Variants in CTTNBP2 observed in about 807,000 individuals in gnomAD.
CTTNBP2 encodes cortactin-binding protein 2.
In CTTNBP2, 108 loss-of-function variants were observed where a neutral mutation model predicts 156.9. The ratio of observed to expected loss-of-function variants is 0.69; its 90% CI spans 0.59 to 0.81. The LOEUF is 0.81. Ranked by LOEUF, CTTNBP2 falls within the 30% of genes least tolerant of loss-of-function variation. The pLI, the probability that CTTNBP2 is intolerant of heterozygous loss-of-function variation, is 0.00. For missense variants in CTTNBP2, 1,924 were observed against 2,035.4 expected, an observed-to-expected ratio of 0.95 and a Z score of 1.05; for synonymous variants, 767 against 751.8, an observed-to-expected ratio of 1.02 and a Z score of -0.33.
intron 2 of CTTNBP2, among the ~76,000 whole-genome samples, chr7:117,814,131 A>G (rs1436462683): frequency 6.6e-6 from 1 of 152,200 alleles, no homozygotes; most frequent in Non-Finnish European, 1.5e-5. Flanking sequence ...AAACTTTTTG[A>G]TAAGTGGGTT....
intron 7 of CTTNBP2, among the ~76,000 whole-genome samples, chr7:117,779,186 C>T (rs1238504317): frequency 5.3e-5 from 8 of 152,112 alleles, no homozygotes; most frequent in Non-Finnish European, 7.4e-5. Flanking sequence ...GTTGTGGACA[C>T]CTTTACTTGG....
Position 117,827,139 on chromosome 7 carries a change from A to G in CTTNBP2, c.190-16150T>C, listed in dbSNP as rs893333287. ...CTCCCAAAGCGCTGGGATTACAGGCATTAGCCACCACACCTGGCCAATTGA... is the reference window on the plus strand; with the variant it reads ...CTCCCAAAGCGCTGGGATTACAGGCGTTAGCCACCACACCTGGCCAATTGA... On this transcript the variant is annotated intron_variant, in intron 2 of 22. Transcript: ENST00000160373. Among the ~76,000 whole-genome samples the G allele has an allele frequency of 5.3e-5, 8 of 152,202 alleles. No individual in the cohort carries two copies. In the East Asian group the frequency reaches 1.3e-3, roughly 26 times the overall value.
At chr7:117,766,666 G>A (rs1797501106) in intron 9 of CTTNBP2, among the ~76,000 whole-genome samples, 1 of 152,140 alleles carries the variant, frequency 6.6e-6, no homozygotes, top group South Asian at 2.1e-4. Flanking sequence ...TAGAAAAGTA[G>A]GCGACCAGGT....
chr7:117,847,538 A>G (rs184102431), intron 2 of CTTNBP2, among the ~76,000 whole-genome samples: 1 of 152,356 alleles, frequency 6.6e-6, no homozygotes, highest in East Asian at 1.9e-4. Context: ...CCAAAGAAAA[A>G]GAATGTTCTA....
At chr7:117,823,951 CTTTTT>C (rs34011318) in intron 2 of CTTNBP2, among the ~76,000 whole-genome samples, 1 of 143,426 alleles carries the variant, frequency 7.0e-6, no homozygotes, top group Non-Finnish European at 1.5e-5. Context: ...TCTTTCAGGT[CTTTTT>C]TTTTTTTCAA....
intron 7 of CTTNBP2, among the ~76,000 whole-genome samples, chr7:117,779,815 C>A (rs1422241919): frequency 1.3e-5 from 2 of 151,860 alleles, no homozygotes; most frequent in African/African-American, 4.8e-5. Flanking sequence ...GGCTGGAGTG[C>A]AACAGCGCCA....
chr7:117,794,865 TTATATG>T (rs201677331), intron 3 of CTTNBP2, among the ~76,000 whole-genome samples: 2,276 of 149,392 alleles, frequency 0.015, 41 homozygotes, highest in African/African-American at 0.024. Context: ...TATACTGTTT[TTATATG>T]TATATCTTTT....
intron 14 of CTTNBP2, among the ~76,000 whole-genome samples, chr7:117,737,634 CG>C (rs1404186326): frequency 6.6e-6 from 1 of 152,076 alleles, no homozygotes; most frequent in Non-Finnish European, 1.5e-5. Flanking sequence ...AGTGCAGTGG[CG>C]TGATCTCGGC....
chr7:117,768,616 C>T (rs1797642530), intron 8 of CTTNBP2, among the ~76,000 whole-genome samples: 1 of 116,242 alleles, frequency 8.6e-6, no homozygotes, highest in Non-Finnish European at 1.9e-5. Flanking sequence ...ATAATATTCA[C>T]ATAGAAGTGT....
chr7:117,832,404 A>ATAC (rs1300591579), intron 2 of CTTNBP2, among the ~76,000 whole-genome samples: 2 of 152,006 alleles, frequency 1.3e-5, no homozygotes, highest in Non-Finnish European at 2.9e-5. Context: ...CTGCCCTAAA[A>ATAC]CGTAGGTCTA....
At chr7:117,835,791 C>T (rs557771516) in intron 2 of CTTNBP2, among the ~76,000 whole-genome samples, 15 of 152,272 alleles carry the variant, frequency 9.9e-5, no homozygotes, top group South Asian at 6.2e-4. Flanking sequence ...CAGTCCACAA[C>T]GGGGGCTCTG....
chr7:117,861,462 C>T (rs1162762222), intron 1 of CTTNBP2, 146 bp from the exon 2 acceptor site: 23 of 615,174 alleles, frequency 3.7e-5, no homozygotes, highest in South Asian at 2.2e-4. Context: ...AGACAATTTA[C>T]GCCTTGACCT....
At chr7:117,773,615 G>T (rs931179225) in intron 8 of CTTNBP2, among the ~76,000 whole-genome samples, 17 of 142,670 alleles carry the variant, frequency 1.2e-4, no homozygotes, top group African/African-American at 3.6e-4. Context: ...GGAGTAGGCA[G>T]CTGAGAATAA....
At chr7:117,713,443 G>A (rs903041985) in intron 22 of CTTNBP2, among the ~76,000 whole-genome samples, 2 of 151,886 alleles carry the variant, frequency 1.3e-5, no homozygotes, top group African/African-American at 4.8e-5. Context: ...AAGCCTTTCC[G>A]CTTGGCTCAT....
At chr7:117,869,966 T>C (rs922331897) in intron 1 of CTTNBP2, among the ~76,000 whole-genome samples, 7 of 152,182 alleles carry the variant, frequency 4.6e-5, no homozygotes, top group Non-Finnish European at 8.8e-5. Flanking sequence ...TATGGCTCCC[T>C]AGGATATGAC....
At chr7:117,766,099 A>C (rs1212244337) in intron 9 of CTTNBP2, among the ~76,000 whole-genome samples, 1 of 152,172 alleles carries the variant, frequency 6.6e-6, no homozygotes, top group Non-Finnish European at 1.5e-5. Flanking sequence ...TTCCATAATA[A>C]AATTTTAGCT....
At chr7:117,847,401 A>T (rs1189178145) in intron 2 of CTTNBP2, among the ~76,000 whole-genome samples, 1 of 152,114 alleles carries the variant, frequency 6.6e-6, no homozygotes, top group Non-Finnish European at 1.5e-5. Flanking sequence ...CTGGGCGTGG[A>T]GGTACATGCC....
intron 14 of CTTNBP2, among the ~76,000 whole-genome samples, chr7:117,744,575 C>T (rs1418153513): frequency 6.6e-6 from 1 of 152,052 alleles, no homozygotes; most frequent in Non-Finnish European, 1.5e-5. Context: ...TTTTCTTTAT[C>T]TATTCATCTG....
intron 9 of CTTNBP2, among the ~76,000 whole-genome samples, chr7:117,761,720 A>C (rs1048867922): frequency 6.6e-6 from 1 of 152,214 alleles, no homozygotes; most frequent in Admixed American, 6.5e-5. Flanking sequence ...TAAGCAGTCA[A>C]ACATTAGAAA....
Sources: allele counts gnomAD v4.1 joint callset (sites outside exome capture counted in the v4.1 genomes callset), GRCh38; gene constraint gnomAD v4.1.1; transcripts MANE v1.5; gene names NCBI Gene and HGNC (gene_info 2026-07-23, HGNC 2026-07-21).